SH3KBP1: variants seen among roughly 807,000 people sequenced by gnomAD.
SH3KBP1 encodes the protein SH3 domain-containing kinase-binding protein 1.
Under a neutral mutation model 50.1 loss-of-function variants are expected in SH3KBP1, and 8 were observed. The observed-to-expected ratio is 0.16, with a 90% CI of 0.09 to 0.29. The LOEUF (loss-of-function observed/expected upper bound fraction) is 0.29, where lower values mean the gene tolerates loss of function less well. Ranked by LOEUF, SH3KBP1 falls within the 10% of genes least tolerant of loss-of-function variation. The probability of loss-of-function intolerance (pLI) is 1.00; values close to 1 mark genes in which losing one functional copy is unlikely to be tolerated. For synonymous variants in SH3KBP1, 227 were observed against 218.6 expected, an observed-to-expected ratio of 1.04 and a Z score of -0.34; for missense variants, 377 against 535.2, an observed-to-expected ratio of 0.70 and a Z score of 2.92.
intron 1 of SH3KBP1, among the ~76,000 whole-genome samples, chrX:19,847,344 A>G (rs1251541994): frequency 9.0e-6 from 1 of 111,433 alleles, no homozygotes; most frequent in South Asian, 3.7e-4. Context: ...ATATTGCCCA[A>G]TGCATCTTCC....
intron 1 of SH3KBP1, among the ~76,000 whole-genome samples, chrX:19,839,519 T>C (rs1382419203): frequency 9.0e-6 from 1 of 111,096 alleles, no homozygotes; most frequent in Non-Finnish European, 1.9e-5. Flanking sequence ...GTATTGTTTG[T>C]AGAGACAGGA....
chrX:19,563,525 C>T (rs988170848), intron 13 of SH3KBP1, among the ~76,000 whole-genome samples: 2 of 112,419 alleles, frequency 1.8e-5, no homozygotes, highest in South Asian at 3.6e-4. Flanking sequence ...CAATCAGAAG[C>T]GCAACCTGTT....
chrX:19,556,244 G>A (rs974646860), intron 13 of SH3KBP1, among the ~76,000 whole-genome samples: 12 of 110,243 alleles, frequency 1.1e-4, no homozygotes, highest in Admixed American at 4.8e-4. Flanking sequence ...TGTGGGATTT[G>A]GAAACAAGAA....
intron 3 of SH3KBP1, among the ~76,000 whole-genome samples, chrX:19,714,509 T>A (rs933927126): frequency 9.2e-6 from 1 of 108,789 alleles, no homozygotes; most frequent in Non-Finnish European, 1.9e-5. Flanking sequence ...AAAATTTATT[T>A]AAAAAAAAGA....
intron 3 of SH3KBP1, among the ~76,000 whole-genome samples, chrX:19,730,867 G>A (rs1603136316): frequency 8.9e-6 from 1 of 111,967 alleles, no homozygotes; most frequent in African/African-American, 3.2e-5. Context: ...AACAAAAAGG[G>A]AAGAGTACAC....
At chrX:19,636,759 A>G (rs2061713445) in intron 7 of SH3KBP1, among the ~76,000 whole-genome samples, 1 of 112,207 alleles carries the variant, frequency 8.9e-6, no homozygotes, top group Non-Finnish European at 1.9e-5. Flanking sequence ...TAAATATATC[A>G]GCAAGCTGAA....
At chrX:19,610,097 A>G (rs1373802922) in intron 8 of SH3KBP1, among the ~76,000 whole-genome samples, 1 of 111,549 alleles carries the variant, frequency 9.0e-6, no homozygotes, top group Non-Finnish European at 1.9e-5. Flanking sequence ...TCTAGCCCCA[A>G]CTAACAACAA....
In SH3KBP1 at chrX:19,723,606, A is replaced by T. The variant is rs2064137757; in HGVS notation, c.287-16622T>A. 8.0e-5 allele frequency among the ~76,000 whole-genome samples: 9 copies of T among 112,375 alleles called. No individual in the cohort carries two copies. The Admixed American group carries it at 8.5e-4, about 11-fold the overall frequency. On this transcript the variant is annotated intron_variant, in intron 3 of 17. Coordinates refer to ENST00000397821, the MANE Select transcript of SH3KBP1 (RefSeq NM_031892.3). ...ACAGAGATCTGTAGGGATGACCATGAACCAAGTCTCTTCCAGGAAGTATGA... is the reference window on the plus strand; with the variant it reads ...ACAGAGATCTGTAGGGATGACCATGTACCAAGTCTCTTCCAGGAAGTATGA...
intron 5 of SH3KBP1, among the ~76,000 whole-genome samples, chrX:19,690,493 T>C (rs1184612197): frequency 8.9e-6 from 1 of 111,953 alleles, no homozygotes; most frequent in Non-Finnish European, 1.9e-5. Flanking sequence ...AGAAAGAAAA[T>C]GCAAACTTTC....
intron 10 of SH3KBP1, among the ~76,000 whole-genome samples, chrX:19,594,608 C>G (rs2066841890): frequency 9.0e-6 from 1 of 111,450 alleles, no homozygotes; most frequent in Non-Finnish European, 1.9e-5. Flanking sequence ...ACATGAGAAA[C>G]AGGGCAATTC....
chrX:19,627,243 C>T (rs751095511), intron 8 of SH3KBP1, among the ~76,000 whole-genome samples: 3 of 112,277 alleles, frequency 2.7e-5, no homozygotes, highest in Non-Finnish European at 5.6e-5. Context: ...GGCCACTCTC[C>T]ACAGCTGGGC....
intron 9 of SH3KBP1, among the ~76,000 whole-genome samples, chrX:19,595,694 T>C (rs2066885435): frequency 9.1e-6 from 1 of 110,240 alleles, no homozygotes; most frequent in African/African-American, 3.3e-5. Flanking sequence ...ATCCCTGAAC[T>C]GGTTCCAGAG....
At chrX:19,812,093 CCACTTTGTTTTT>C (rs2067223301) in intron 2 of SH3KBP1, among the ~76,000 whole-genome samples, 1 of 111,468 alleles carries the variant, frequency 9.0e-6, no homozygotes, top group African/African-American at 3.3e-5. Flanking sequence ...TCAGGCAAGC[CCACTTTGTTTTT>C]CACCCTGACT....
intron 2 of SH3KBP1, among the ~76,000 whole-genome samples, chrX:19,791,966 C>G (rs1278003268): frequency 1.8e-5 from 2 of 111,268 alleles, no homozygotes; most frequent in African/African-American, 6.5e-5. Flanking sequence ...ATCCAGAACA[C>G]TATGAATTCA....
At chrX:19,595,589 TG>T (rs1368375442) in intron 9 of SH3KBP1, among the ~76,000 whole-genome samples, 6 of 108,872 alleles carry the variant, frequency 5.5e-5, no homozygotes, top group African/African-American at 1.7e-4. Flanking sequence ...TTTTTTGGTT[TG>T]TTTTTTTTTT....
In SH3KBP1 at chrX:19,649,127, G is replaced by A. The variant is rs745543598; in HGVS notation, c.727-3652C>T. Among the ~76,000 whole-genome samples, 32 of 111,340 alleles carry A rather than the reference G, an allele frequency of 2.9e-4. No homozygotes were observed. In the South Asian group the frequency reaches 0.01, roughly 35 times the overall value. On this transcript the variant is annotated intron_variant, in intron 6 of 17. Transcript: ENST00000397821. ...TGTTAGGCTTGCAGTGGCTGGGGAA[G>A]AGGATACAGGATCTCCCCTTTGGCT...
At chrX:19,869,811 T>C (rs1222600280) in intron 1 of SH3KBP1, among the ~76,000 whole-genome samples, 1 of 112,693 alleles carries the variant, frequency 8.9e-6, no homozygotes, top group African/African-American at 3.2e-5. Flanking sequence ...ATTCATTAGT[T>C]TGTTCATTCA....
chrX:19,732,072 T>G (rs1453797328), intron 3 of SH3KBP1, among the ~76,000 whole-genome samples: 1 of 111,862 alleles, frequency 8.9e-6, no homozygotes, highest in Non-Finnish European at 1.9e-5. Flanking sequence ...TTTTGATTTT[T>G]TTTGAGGTTT....
chrX:19,636,390 A>G (rs1402043198), intron 7 of SH3KBP1, among the ~76,000 whole-genome samples: 2 of 110,089 alleles, frequency 1.8e-5, no homozygotes, highest in East Asian at 5.6e-4. Flanking sequence ...TGTGCAGAGA[A>G]AATGTATACA....
Sources: allele counts gnomAD v4.1 joint callset (sites outside exome capture counted in the v4.1 genomes callset), GRCh38; gene constraint gnomAD v4.1.1; transcripts MANE v1.5; gene names NCBI Gene and HGNC (gene_info 2026-07-23, HGNC 2026-07-21).